Variants in ZNF354A observed in about 807,000 individuals in gnomAD.
The protein encoded by ZNF354A is epididymis luminal protein 104.
Under a neutral mutation model 53.3 loss-of-function variants are expected in ZNF354A, and 25 were observed. The ratio of observed to expected loss-of-function variants is 0.47; its 90% CI spans 0.34 to 0.66. ZNF354A has a LOEUF of 0.66. ZNF354A is among the 30% of genes least tolerant of loss of function. The probability of loss-of-function intolerance (pLI) is 0.01; values close to 1 mark genes in which losing one functional copy is unlikely to be tolerated. For missense variants in ZNF354A, 586 were observed against 716.8 expected, an observed-to-expected ratio of 0.82 and a Z score of 2.08; for synonymous variants, 228 against 249.0, an observed-to-expected ratio of 0.92 and a Z score of 0.79.
chr5:178,713,759 G>C, intron 4 of ZNF354A, 138 bp from the exon 5 acceptor site: 1 of 915,090 alleles, frequency 1.1e-6, no homozygotes, highest in Non-Finnish European at 1.6e-6. Flanking sequence ...ATTGCAAAAA[G>C]AAAAAATAGG....
intron 4 of ZNF354A, among the ~76,000 whole-genome samples, chr5:178,719,840 G>A (rs1299821200): frequency 6.6e-5 from 10 of 151,564 alleles, no homozygotes; most frequent in Non-Finnish European, 1.2e-4. Context: ...CCAGCTACTT[G>A]GGAGGCTGAG....
intron 4 of ZNF354A, among the ~76,000 whole-genome samples, chr5:178,714,107 C>A (rs771894864): frequency 5.3e-5 from 8 of 151,880 alleles, no homozygotes; most frequent in Non-Finnish European, 8.8e-5. Flanking sequence ...TGGCTTCAAG[C>A]AATTCTTGTG....
At chr5:178,730,053 G>T (rs958806169) in intron 1 of ZNF354A, among the ~76,000 whole-genome samples, 2 of 152,006 alleles carry the variant, frequency 1.3e-5, no homozygotes, top group African/African-American at 4.8e-5. Context: ...TTTTAGTAGA[G>T]ACGGGGTTTC....
chr5:178,714,091 G>T (rs1171857446), intron 4 of ZNF354A, among the ~76,000 whole-genome samples: 2 of 151,844 alleles, frequency 1.3e-5, no homozygotes, highest in Non-Finnish European at 2.9e-5. Flanking sequence ...ACTGCAACCG[G>T]TCTCCTGGCT....
chr5:178,712,115 T>C lies in ZNF354A; in HGVS notation c.1763A>G (p.Asn588Ser). 6.2e-7 allele frequency: 1 copy of C among 1,613,250 alleles called. No homozygotes were observed. The highest frequency in any genetic ancestry group is 2.2e-5 in the East Asian group (1 of 44,854). Residue 588 changes from asparagine to serine, a missense_variant, in exon 5 of 5, where the codon AAC (asparagine) becomes AGC (serine). Physicochemically the swap from Asn to Ser is conservative, Grantham distance 46. Coordinates refer to ENST00000335815, the MANE Select transcript of ZNF354A (RefSeq NM_005649.3). ...YECNTCGKLF[N>S]HRSSLTNHYK... ...ATGATTAGTAAGGGATGACCTATGG[T>C]TGAAAAGTTTCCCACATGTATTACA...
In ZNF354A at chr5:178,713,123, C is replaced by T. The variant is rs577505657; in HGVS notation, c.755G>A (p.Ser252Asn). ...ATGTTGAATAAGAGCTGAACTTTGG[C>T]TAAAGGCTTTTGAACATTCTTTACA... is the stretch of plus-strand genomic sequence containing the variant. ...FKCKECSKAF[S>N]QSSALIQHQI... Residue 252 changes from serine (S) to asparagine (N), a missense_variant, in exon 5 of 5, where the codon AGC becomes AAC. By Grantham distance (46) the Ser-to-Asn change is conservative. Around this residue, in one of 2 missense-constraint regions of ZNF354A, gnomAD observed 573 missense variants for 680.1 expected, o/e 0.84. Transcript: ENST00000335815. 133 of 1,613,944 alleles carry T rather than the reference C, an allele frequency of 8.2e-5. No homozygotes were observed. The Middle Eastern group carries it at 8.3e-4, about 10-fold the overall frequency.
At position 178,712,082 on chromosome 5, in the gene ZNF354A, A is replaced by G. The variant is rs746153302; in HGVS notation, c.1796T>C (p.Ile599Thr). The G allele has an allele frequency of 1.3e-6, 2 of 1,599,782 alleles. No homozygotes were observed. The highest frequency in any genetic ancestry group is 3.5e-5 in the Admixed American group (2 of 57,722). Residue 599 changes from isoleucine (I) to threonine (T), a missense_variant, in exon 5 of 5, where the codon ATT (isoleucine) becomes ACT (threonine). Around this residue, in one of 2 missense-constraint regions of ZNF354A, gnomAD observed 573 missense variants for 680.1 expected, o/e 0.84. Transcript: ENST00000335815. ...HRSSLTNHYK[I>T]HIEEDP ...TTTCTAGGGGTCCTCTTCGATATGA[A>G]TTTTATAATGATTAGTAAGGGATGA... is the stretch of plus-strand genomic sequence containing the variant.
chr5:178,713,493 C>G lies in ZNF354A; in HGVS notation c.385G>C (p.Glu129Gln). 1.2e-6 allele frequency: 2 copies of G among 1,613,816 alleles called. No homozygotes were observed. Among genetic ancestry groups the G allele is most frequent in the Non-Finnish European group, 1.7e-6 (2 of 1,179,982 alleles). ...TCCTGCTTTTTCTCTAATCTGCCTT[C>G]ATATATGTAAGGCTTTTCTAATTTC... Reference protein sequence around the residue: ...DLKLEKPYIYEGRLEKKQDKK... With the variant: ...DLKLEKPYIYQGRLEKKQDKK... Residue 129 changes from glutamate to glutamine, a missense_variant, in exon 5 of 5, where the codon GAA (glutamate) becomes CAA (glutamine). Physicochemically the swap from Glu to Gln is conservative, Grantham distance 29 (BLOSUM62 2). Around this residue, in one of 2 missense-constraint regions of ZNF354A, gnomAD observed 573 missense variants for 680.1 expected, o/e 0.84. Transcript: ENST00000335815.
chr5:178,727,011 G>C lies in ZNF354A; in HGVS notation c.148C>G (p.Leu50Val), dbSNP rs980706434. 6.2e-7 allele frequency: 1 copy of C among 1,611,698 alleles called. No individual in the cohort carries two copies. Among genetic ancestry groups the C allele is most frequent in the Admixed American group, 1.7e-5 (1 of 59,312 alleles). Residue 50 changes from leucine to valine, a missense_variant, in exon 3 of 5, where the codon CTG (leucine) becomes GTG (valine). Coordinates refer to ENST00000335815, the MANE Select transcript of ZNF354A (RefSeq NM_005649.3). ...AAAATTTCCTTACCCAGTGAGACCA[G>C]GTTCCTATAGTTCTCCAGCATCACA... ...RDVMLENYRNLVSLGLPFTKP... is the reference protein window; with the variant it reads ...RDVMLENYRNVVSLGLPFTKP...
At position 178,719,525 on chromosome 5, in the gene ZNF354A, AGGGGTAGCACAAG is replaced by A. The variant is rs951514143; in HGVS notation, c.256+5838_256+5850del. On this transcript the variant is annotated intron_variant, in intron 4 of 4. Transcript: ENST00000335815. ...AAAGGAATCGCCATAGGCTAGATGA[AGGGGTAGCACAAG>A]GGCTGAAGGCAGCACCCAAGTCTTT... is the stretch of plus-strand genomic sequence containing the variant. Among the ~76,000 whole-genome samples the A allele has an allele frequency of 1.1e-4, 16 of 152,352 alleles. 1 individual carries two copies. Among genetic ancestry groups the A allele is most frequent in the African/African-American group, 3.8e-4 (16 of 41,580 alleles).
At chr5:178,726,507 A>G (rs577451426) in intron 3 of ZNF354A, among the ~76,000 whole-genome samples, 2 of 150,982 alleles carry the variant, frequency 1.3e-5, no homozygotes, top group East Asian at 4.0e-4. Flanking sequence ...TCACCACGTT[A>G]GCCAGAATGG....
chr5:178,721,515 C>A (rs1765812475), intron 4 of ZNF354A, among the ~76,000 whole-genome samples: 1 of 152,000 alleles, frequency 6.6e-6, no homozygotes, highest in Non-Finnish European at 1.5e-5. Flanking sequence ...TCTTGGTATT[C>A]CCACCCACCT....
intron 4 of ZNF354A, among the ~76,000 whole-genome samples, chr5:178,722,213 C>T (rs189496274): frequency 1.9e-4 from 29 of 152,274 alleles, no homozygotes; most frequent in Non-Finnish European, 3.5e-4. Flanking sequence ...AACACTCTCC[C>T]TAGGCCAACT....
chr5:178,724,695 A>G (rs1187307300), intron 4 of ZNF354A, among the ~76,000 whole-genome samples: 2 of 152,208 alleles, frequency 1.3e-5, no homozygotes, highest in Non-Finnish European at 2.9e-5. Flanking sequence ...AACTAATGTC[A>G]TCAGCTAAGG....
At chr5:178,725,523 T>G in intron 3 of ZNF354A, 52 bp from the exon 4 acceptor site, 1 of 1,566,466 alleles carries the variant, frequency 6.4e-7, no homozygotes. Flanking sequence ...GGTTTTGTAT[T>G]GATACAGTTA....
In ZNF354A at chr5:178,713,518, C is replaced by A; in HGVS notation, c.360G>T (p.Leu120Phe). The A allele has an allele frequency of 6.2e-7, 1 of 1,613,446 alleles. No homozygotes were observed. The highest frequency in any genetic ancestry group is 1.1e-5 in the South Asian group (1 of 90,988). The change falls in exon 5 of 5, where the codon TTG becomes TTT. Residue 120 changes from leucine to phenylalanine, a missense_variant. Coordinates refer to ENST00000335815, the MANE Select transcript of ZNF354A (RefSeq NM_005649.3). Reference protein sequence around the residue: ...KRSNRNVPWDLKLEKPYIYEG... With the variant: ...KRSNRNVPWDFKLEKPYIYEG... Reference sequence around the variant, plus strand: ...CATATATGTAAGGCTTTTCTAATTTCAAATCCCAAGGTACATTCCTGTTGG... The same window carrying A: ...CATATATGTAAGGCTTTTCTAATTTAAAATCCCAAGGTACATTCCTGTTGG...
At chr5:178,728,464 A>AAC (rs961306318) in intron 2 of ZNF354A, among the ~76,000 whole-genome samples, 2 of 151,234 alleles carry the variant, frequency 1.3e-5, no homozygotes, top group South Asian at 2.1e-4. Context: ...TGCATACACA[A>AAC]ACACACACAC....
intron 4 of ZNF354A, among the ~76,000 whole-genome samples, chr5:178,715,838 T>C (rs1765701556): frequency 6.6e-6 from 1 of 151,890 alleles, no homozygotes; most frequent in Non-Finnish European, 1.5e-5. Context: ...TACCATAATC[T>C]CCTAACTAGT....
Position 178,712,181 on chromosome 5 carries a change from A to G in ZNF354A, c.1697T>C (p.Ile566Thr), listed in dbSNP as rs1765631070. 1 of 1,613,986 alleles carries G rather than the reference A, an allele frequency of 6.2e-7. No homozygotes were observed. Among genetic ancestry groups the G allele is most frequent in the Admixed American group, 1.7e-5 (1 of 60,018 alleles). Residue 566 changes from isoleucine (I) to threonine (T), a missense_variant, in exon 5 of 5, where the codon ATT (isoleucine) becomes ACT (threonine). Physicochemically the swap from Ile to Thr is moderately conservative, Grantham distance 89 (BLOSUM62 -1). Around this residue, in one of 2 missense-constraint regions of ZNF354A, gnomAD observed 573 missense variants for 680.1 expected, o/e 0.84. Transcript: ENST00000335815. ...TCCAGTATGAATTCTCTGATGTGCA[A>G]TACGTGATGAGCTTTGTCTAAAAGT... ...GKTFRQSSSR[I>T]AHQRIHTGEK...
Sources: allele counts gnomAD v4.1 joint callset (sites outside exome capture counted in the v4.1 genomes callset), GRCh38; gene constraint gnomAD v4.1.1; regional missense constraint gnomAD v4.1.1; transcripts MANE v1.5; gene names NCBI Gene and HGNC (gene_info 2026-07-23, HGNC 2026-07-21).